Variants in EBF1 observed in about 807,000 individuals in gnomAD.
The protein encoded by EBF1 is EBF transcription factor 1.
A neutral mutation model predicts 68.4 loss-of-function variants in EBF1; 10 were observed. That is an observed-to-expected ratio of 0.15 (90% CI 0.09 to 0.25). The LOEUF is 0.25. Among genes scored for constraint, EBF1 ranks in the 10% least tolerant of loss-of-function variants. EBF1 has a pLI of 1.00. For missense variants in EBF1, 509 were observed against 794.4 expected (o/e 0.64, Z 4.32); for synonymous variants, 298 against 299.8 (o/e 0.99, Z 0.06).
At chr5:158,711,973 G>A (rs1158084167) in intron 14 of EBF1, among the ~76,000 whole-genome samples, 181 bp downstream of exon 14, 1 of 152,226 alleles carries the variant, frequency 6.6e-6, no homozygotes, top group East Asian at 1.9e-4. Context: ...GTGAGCACTG[G>A]AGAGCGGAGA....
chr5:159,073,710 G>C (rs1328039525), intron 5 of EBF1: 1 of 512,292 alleles, frequency 2.0e-6, no homozygotes. Context: ...CCAAGACTCA[G>C]AACCCCAAGA....
intron 9 of EBF1, among the ~76,000 whole-genome samples, chr5:158,783,664 T>C (rs1776851493): frequency 6.6e-6 from 1 of 152,140 alleles, no homozygotes; most frequent in Non-Finnish European, 1.5e-5. Flanking sequence ...ACCTGAAGAA[T>C]CCTGTGGGGG....
intron 5 of EBF1, among the ~76,000 whole-genome samples, chr5:159,082,313 G>A (rs1300320165): frequency 2.0e-5 from 3 of 152,126 alleles, no homozygotes; most frequent in Admixed American, 2.0e-4. Flanking sequence ...GCAGAAAGTT[G>A]TTTAGAAATT....
chr5:159,051,059 A>G (rs1773533263), intron 6 of EBF1, among the ~76,000 whole-genome samples: 1 of 151,992 alleles, frequency 6.6e-6, no homozygotes, highest in African/African-American at 2.4e-5. Flanking sequence ...AAGTCCCTAC[A>G]TTTACATTTG....
At chr5:158,831,330 T>A (rs1217878250) in intron 7 of EBF1, among the ~76,000 whole-genome samples, 1 of 152,174 alleles carries the variant, frequency 6.6e-6, no homozygotes, top group Non-Finnish European at 1.5e-5. Flanking sequence ...CCCAGTCCCA[T>A]CACTTACTTG....
chr5:158,708,001 G>T lies in EBF1; in HGVS notation c.1722C>A (p.Ser574Arg), dbSNP rs1217984010. The T allele has an allele frequency of 1.3e-6, 2 of 1,550,326 alleles. No individual in the cohort carries two copies. The highest frequency in any genetic ancestry group is 1.7e-6 in the Non-Finnish European group (2 of 1,147,022). ...PQTSPPPTCT[S>R]TNGNSLQAIS... ...TACCTTGCAGGCTGTTCCCGTTGGTGCTGGTGCAGGTGGGAGGTGGGGAGG... is the reference window on the plus strand; with the variant it reads ...TACCTTGCAGGCTGTTCCCGTTGGTTCTGGTGCAGGTGGGAGGTGGGGAGG... The change falls in exon 15 of 16, where the codon AGC becomes AGA. Residue 574 changes from serine to arginine, a missense_variant. Ser to Arg is a moderately radical substitution (Grantham distance 110). Coordinates refer to ENST00000313708, the MANE Select transcript of EBF1 (RefSeq NM_024007.5).
At chr5:158,776,540 G>A (rs1291418827) in intron 10 of EBF1, among the ~76,000 whole-genome samples, 1 of 152,092 alleles carries the variant, frequency 6.6e-6, no homozygotes, top group African/African-American at 2.4e-5. Context: ...TGGTCTTGTG[G>A]TCTTTTACTG....
intron 6 of EBF1, among the ~76,000 whole-genome samples, chr5:158,853,387 T>C (rs1582585470): frequency 6.6e-6 from 1 of 152,306 alleles, no homozygotes; most frequent in South Asian, 2.1e-4. Context: ...GATTTTTGTT[T>C]GGGCGGCTTT....
intron 10 of EBF1, among the ~76,000 whole-genome samples, chr5:158,744,236 C>A (rs745403246): frequency 4.0e-5 from 6 of 151,702 alleles, no homozygotes; most frequent in Non-Finnish European, 8.8e-5. Flanking sequence ...ATAGCAAAAA[C>A]CACATGTGAA....
chr5:159,029,915 C>G (rs1402426643), intron 6 of EBF1, among the ~76,000 whole-genome samples: 1 of 151,238 alleles, frequency 6.6e-6, no homozygotes, highest in African/African-American at 2.4e-5. Context: ...CAAGATCACA[C>G]CATTGCACTC....
intron 10 of EBF1, among the ~76,000 whole-genome samples, chr5:158,761,966 T>C (rs1452856999): frequency 1.3e-5 from 2 of 152,218 alleles, no homozygotes; most frequent in Admixed American, 1.3e-4. Context: ...TTGTAACATG[T>C]ACTTAATAAT....
At chr5:158,935,333 G>A (rs1811764141) in intron 6 of EBF1, among the ~76,000 whole-genome samples, 1 of 152,202 alleles carries the variant, frequency 6.6e-6, no homozygotes, top group African/African-American at 2.4e-5. Flanking sequence ...AAGGAGCTGA[G>A]GACACATTCC....
chr5:158,783,994 G>A (rs932071499), intron 9 of EBF1, among the ~76,000 whole-genome samples: 1 of 152,156 alleles, frequency 6.6e-6, no homozygotes, highest in African/African-American at 2.4e-5. Flanking sequence ...TTAAAAATAT[G>A]AGTGGAAGCA....
rs534582574 is a variant in EBF1, at chr5:158,840,867, T to C, written c.555-757A>G. Among the ~76,000 whole-genome samples, 713 of 151,334 alleles carry C rather than the reference T, an allele frequency of 4.7e-3. 9 individuals carry two copies. Among genetic ancestry groups the C allele is most frequent in the African/African-American group, 0.017 (684 of 41,210 alleles). On this transcript the variant is annotated intron_variant, in intron 6 of 15. Transcript: ENST00000313708. Reference sequence around the variant, plus strand: ...TTTGTATTTTTAGTAGAGACGGGGTTTCACCGTTTTAGCCGGGATGGTCTC... The same window carrying C: ...TTTGTATTTTTAGTAGAGACGGGGTCTCACCGTTTTAGCCGGGATGGTCTC...
chr5:158,902,940 G>A, intron 6 of EBF1, among the ~76,000 whole-genome samples: 1 of 152,220 alleles, frequency 6.6e-6, no homozygotes, highest in Non-Finnish European at 1.5e-5. Flanking sequence ...CGGCTCTGGG[G>A]AAAGTGGAGA....
intron 6 of EBF1, among the ~76,000 whole-genome samples, chr5:159,063,147 G>C (rs879666995): frequency 1.5e-4 from 23 of 152,126 alleles, no homozygotes; most frequent in Non-Finnish European, 2.8e-4. Flanking sequence ...GTACACAGGA[G>C]GGAGGCACTG....
chr5:158,855,698 A>T (rs1395571795), intron 6 of EBF1, among the ~76,000 whole-genome samples: 1 of 152,242 alleles, frequency 6.6e-6, no homozygotes, highest in Non-Finnish European at 1.5e-5. Flanking sequence ...TGCTAAGTGA[A>T]TGAGTAAGTA....
intron 7 of EBF1, among the ~76,000 whole-genome samples, chr5:158,836,644 T>A (rs1281602868): frequency 6.6e-6 from 1 of 152,242 alleles, no homozygotes; most frequent in Non-Finnish European, 1.5e-5. Flanking sequence ...CCTGCATGCA[T>A]GAAACCCAAT....
intron 10 of EBF1, among the ~76,000 whole-genome samples, chr5:158,750,927 T>C (rs1213583824): frequency 6.6e-6 from 1 of 152,090 alleles, no homozygotes; most frequent in Non-Finnish European, 1.5e-5. Context: ...TTTCTAGCAA[T>C]AGTGAATGGA....
Sources: gnomAD v4.1 joint callset for allele counts (sites outside exome capture counted in the v4.1 genomes callset) on GRCh38, gnomAD v4.1.1 for gene constraint, MANE v1.5 for transcripts, NCBI Gene and HGNC (gene_info 2026-07-23, HGNC 2026-07-21) for gene names.